Variants in ENTREP2 observed in about 807,000 individuals in gnomAD.
The protein encoded by ENTREP2 is endosomal transmembrane epsin interactor 2.
the ENTREP2 span, among the ~76,000 whole-genome samples, chr15:29,206,148 A>G: frequency 3.3e-5 from 5 of 152,176 alleles, no homozygotes; most frequent in Non-Finnish European, 5.9e-5. Flanking sequence ...AGAGTTCTGG[A>G]GGCTGGGAAG....
At chr15:29,652,776 GGCC>G in the ENTREP2 span, among the ~76,000 whole-genome samples, 5 of 152,316 alleles carry the variant, frequency 3.3e-5, no homozygotes, top group East Asian at 9.6e-4. Context: ...TGTGTGCAGC[GGCC>G]GGACTCCACA....
At chr15:29,531,165 CTCCTGACTTTGCAAA>C in the ENTREP2 span, among the ~76,000 whole-genome samples, 1 of 152,336 alleles carries the variant, frequency 6.6e-6, no homozygotes, top group African/African-American at 2.4e-5. Context: ...CTCTTGATTT[CTCCTGACTTTGCAAA>C]TCCTTTATGC....
the ENTREP2 span, among the ~76,000 whole-genome samples, chr15:29,225,051 C>T: frequency 2.0e-5 from 3 of 152,198 alleles, no homozygotes; most frequent in Non-Finnish European, 2.9e-5. Flanking sequence ...AGTGCGGGGC[C>T]GCTGAGCCCA....
the ENTREP2 span, among the ~76,000 whole-genome samples, chr15:29,331,818 G>GA: frequency 7.9e-5 from 12 of 152,206 alleles, no homozygotes; most frequent in African/African-American, 2.9e-4. Context: ...CTCCTCAGGG[G>GA]AAAGGCAGGC....
At chr15:29,137,198 GA>G in the ENTREP2 span, 1 of 1,473,550 alleles carries the variant, frequency 6.8e-7, no homozygotes, top group Non-Finnish European at 8.9e-7. Flanking sequence ...GAAGGAACTG[GA>G]AAACAGAGAC....
chr15:29,534,227 A>G, the ENTREP2 span, among the ~76,000 whole-genome samples: 2 of 151,710 alleles, frequency 1.3e-5, no homozygotes, highest in African/African-American at 2.4e-5. Context: ...CAGCTTTTAC[A>G]ACCCTAACTA....
At chr15:29,275,949 T>C in the ENTREP2 span, among the ~76,000 whole-genome samples, 1 of 152,200 alleles carries the variant, frequency 6.6e-6, no homozygotes, top group Non-Finnish European at 1.5e-5. Context: ...GCAAATACTA[T>C]TTTGGTGGGT....
At chr15:29,170,998 G>A in the ENTREP2 span, among the ~76,000 whole-genome samples, 1 of 152,210 alleles carries the variant, frequency 6.6e-6, no homozygotes, top group Admixed American at 6.5e-5. Flanking sequence ...GGTGGAAGGT[G>A]AAAGGCAGAA....
chr15:29,300,245 T>C, the ENTREP2 span, among the ~76,000 whole-genome samples: 2 of 141,872 alleles, frequency 1.4e-5, no homozygotes, highest in African/African-American at 2.7e-5. Flanking sequence ...GAGAAATGGA[T>C]GGATGGATGG....
the ENTREP2 span, among the ~76,000 whole-genome samples, chr15:29,391,353 G>A: frequency 6.6e-6 from 1 of 151,770 alleles, no homozygotes; most frequent in Non-Finnish European, 1.5e-5. Flanking sequence ...CACTCATAAT[G>A]TCCCTGAGAA....
the ENTREP2 span, among the ~76,000 whole-genome samples, chr15:29,671,016 C>G: frequency 6.6e-6 from 1 of 152,192 alleles, no homozygotes; most frequent in Non-Finnish European, 1.5e-5. Context: ...CAGCCCCACT[C>G]CCCGCAAACC....
chr15:29,345,875 A>C, the ENTREP2 span, among the ~76,000 whole-genome samples: 2 of 152,232 alleles, frequency 1.3e-5, no homozygotes, highest in Non-Finnish European at 2.9e-5. Flanking sequence ...CGTCCCCGTG[A>C]GGCAAGATGA....
At chr15:29,517,265 G>A in the ENTREP2 span, among the ~76,000 whole-genome samples, 1 of 152,124 alleles carries the variant, frequency 6.6e-6, no homozygotes, top group South Asian at 2.1e-4. Context: ...ACTGCCCTAA[G>A]TGCTTTACAT....
chr15:29,300,789 G>A, the ENTREP2 span, among the ~76,000 whole-genome samples: 23 of 152,038 alleles, frequency 1.5e-4, no homozygotes, highest in African/African-American at 4.6e-4. Context: ...TAGTAGAGAC[G>A]GGGTTTCACC....
chr15:29,651,767 G>A, the ENTREP2 span, among the ~76,000 whole-genome samples: 1 of 152,234 alleles, frequency 6.6e-6, no homozygotes, highest in Admixed American at 6.5e-5. Flanking sequence ...GCCCCCTACA[G>A]GCTTTGGGCA....
At chr15:29,402,570 A>G in the ENTREP2 span, among the ~76,000 whole-genome samples, 1 of 152,182 alleles carries the variant, frequency 6.6e-6, no homozygotes, top group Non-Finnish European at 1.5e-5. Context: ...GTGGCCTCCC[A>G]AAGTGCTGAG....
At chr15:29,581,986 A>G in the ENTREP2 span, among the ~76,000 whole-genome samples, 311 of 150,708 alleles carry the variant, frequency 2.1e-3, 3 homozygotes, top group Non-Finnish European at 3.1e-3. Context: ...CTGTTGCCCA[A>G]GCTGGAGTGC....
the ENTREP2 span, among the ~76,000 whole-genome samples, chr15:29,255,103 T>C: frequency 5.3e-5 from 8 of 152,270 alleles, no homozygotes; most frequent in South Asian, 2.1e-4. Flanking sequence ...TATGAGAAGA[T>C]AGTACAGGAT....
chr15:29,292,580 C>G, the ENTREP2 span, among the ~76,000 whole-genome samples: 1 of 152,110 alleles, frequency 6.6e-6, no homozygotes, highest in Admixed American at 6.6e-5. Context: ...GGGGTTTCAC[C>G]ATGTTGTCCA....
Sources: gnomAD v4.1 joint callset for allele counts (sites outside exome capture counted in the v4.1 genomes callset) on GRCh38, gnomAD v4.1.1 for gene constraint, MANE v1.5 for transcripts, NCBI Gene and HGNC (gene_info 2026-07-23, HGNC 2026-07-21) for gene names.